CSMD1: variants seen among roughly 807,000 people sequenced by gnomAD.
The protein encoded by CSMD1 is CUB and sushi domain-containing protein 1.
Under a neutral mutation model 417.5 loss-of-function variants are expected in CSMD1, and 213 were observed. The ratio of observed to expected loss-of-function variants is 0.51; its 90% CI spans 0.46 to 0.57. CSMD1 has a LOEUF of 0.57. Ranked by LOEUF, CSMD1 falls within the 20% of genes least tolerant of loss-of-function variation. The probability of loss-of-function intolerance (pLI) is 0.00; values close to 1 mark genes in which losing one functional copy is unlikely to be tolerated. For missense variants in CSMD1, 6,923 were observed against 4,529.7 expected (o/e 1.53, Z -15.17); for synonymous variants, 2,862 against 1,736.8 (o/e 1.65, Z -16.11).
At chr8:4,174,653 T>C (rs557975062) in intron 3 of CSMD1, among the ~76,000 whole-genome samples, 50 of 140,226 alleles carry the variant, frequency 3.6e-4, no homozygotes, top group African/African-American at 1.3e-3. Flanking sequence ...GTAGGAATTA[T>C]AGGAAACAGA....
chr8:3,171,399 C>T (rs560601172), intron 37 of CSMD1, among the ~76,000 whole-genome samples: 2 of 152,310 alleles, frequency 1.3e-5, no homozygotes, highest in East Asian at 1.9e-4. Flanking sequence ...TTACTCACCA[C>T]CCATCTCAAT....
chr8:3,856,104 G>C (rs547731543), intron 5 of CSMD1, among the ~76,000 whole-genome samples: 27 of 152,164 alleles, frequency 1.8e-4, no homozygotes, highest in African/African-American at 6.5e-4. Flanking sequence ...GTATTAAAAT[G>C]TAATTCCCAG....
chr8:4,068,339 G>T (rs774883117), intron 3 of CSMD1, among the ~76,000 whole-genome samples: 7 of 152,098 alleles, frequency 4.6e-5, no homozygotes, highest in African/African-American at 1.7e-4. Context: ...CATGAGAGTG[G>T]GGCTCAAAGC....
chr8:4,168,208 T>C (rs910678621), intron 3 of CSMD1, among the ~76,000 whole-genome samples: 8 of 151,316 alleles, frequency 5.3e-5, no homozygotes, highest in South Asian at 4.2e-4. Context: ...TATATATACA[T>C]ATACACACAC....
intron 7 of CSMD1, among the ~76,000 whole-genome samples, chr8:3,618,805 T>TCATAC (rs1563204209): frequency 6.6e-6 from 1 of 152,148 alleles, no homozygotes; most frequent in Non-Finnish European, 1.5e-5. Flanking sequence ...CTCCCTTGTT[T>TCATAC]CATACCATGA....
At chr8:3,995,990 C>T (rs1054208706) in intron 5 of CSMD1, among the ~76,000 whole-genome samples, 8 of 152,188 alleles carry the variant, frequency 5.3e-5, no homozygotes, top group African/African-American at 1.9e-4. Context: ...GTCTCTCTGG[C>T]TATCTGTGCT....
At chr8:4,492,942 T>G (rs755251737) in intron 2 of CSMD1, among the ~76,000 whole-genome samples, 1 of 152,230 alleles carries the variant, frequency 6.6e-6, no homozygotes, top group Non-Finnish European at 1.5e-5. Flanking sequence ...CAGTGAAAAC[T>G]CTTATTAAAA....
chr8:3,120,474 T>C (rs879818355), intron 41 of CSMD1, among the ~76,000 whole-genome samples: 3 of 152,202 alleles, frequency 2.0e-5, no homozygotes, highest in Non-Finnish European at 4.4e-5. Context: ...AAGCATTCCA[T>C]AGAGCCATGA....
chr8:3,081,447 T>C (rs116833208), intron 49 of CSMD1, among the ~76,000 whole-genome samples: 1,554 of 152,338 alleles, frequency 0.01, 26 homozygotes, highest in African/African-American at 0.036. Context: ...AGATATTTGC[T>C]ATTTTTTAAA....
At chr8:4,703,775 T>G (rs532977104) in intron 1 of CSMD1, among the ~76,000 whole-genome samples, 1 of 152,252 alleles carries the variant, frequency 6.6e-6, no homozygotes, top group South Asian at 2.1e-4. Context: ...AGAAAAGCAT[T>G]GGGATACGAA....
chr8:4,153,260 G>C (rs1038168453), intron 3 of CSMD1, among the ~76,000 whole-genome samples: 5 of 152,172 alleles, frequency 3.3e-5, no homozygotes, highest in African/African-American at 9.7e-5. Flanking sequence ...GATACATACG[G>C]CTATAAAGAC....
intron 3 of CSMD1, among the ~76,000 whole-genome samples, chr8:4,061,149 C>CTT: frequency 6.6e-6 from 1 of 152,180 alleles, no homozygotes; most frequent in Non-Finnish European, 1.5e-5. Context: ...TCATCCCCAT[C>CTT]CTTGCCCCTT....
At chr8:3,740,693 G>C (rs1345415205) in intron 6 of CSMD1, among the ~76,000 whole-genome samples, 1 of 152,138 alleles carries the variant, frequency 6.6e-6, no homozygotes, top group Non-Finnish European at 1.5e-5. Flanking sequence ...AGGAGTCGAA[G>C]CAAACAAAAC....
chr8:4,015,621 A>C (rs1480840560), intron 4 of CSMD1, among the ~76,000 whole-genome samples: 2 of 151,228 alleles, frequency 1.3e-5, no homozygotes, highest in Non-Finnish European at 2.9e-5. Flanking sequence ...TCTCCAAGAA[A>C]TACAACAGTC....
At chr8:4,894,105 G>C (rs1269760186) in intron 1 of CSMD1, among the ~76,000 whole-genome samples, 1 of 151,888 alleles carries the variant, frequency 6.6e-6, no homozygotes, top group Non-Finnish European at 1.5e-5. Flanking sequence ...CTTCATATAG[G>C]CCTGCGCACT....
At chr8:4,293,544 C>T (rs536301633) in intron 3 of CSMD1, among the ~76,000 whole-genome samples, 2 of 152,122 alleles carry the variant, frequency 1.3e-5, no homozygotes, top group Admixed American at 6.5e-5. Context: ...ATAGACTTGT[C>T]ACCCCTGTGC....
intron 2 of CSMD1, among the ~76,000 whole-genome samples, chr8:4,567,144 A>T (rs900910119): frequency 3.3e-5 from 5 of 152,208 alleles, no homozygotes; most frequent in African/African-American, 1.2e-4. Context: ...CCCTACTCAG[A>T]GTATTCCATG....
intron 2 of CSMD1, among the ~76,000 whole-genome samples, chr8:4,460,338 G>C (rs911854949): frequency 1.3e-5 from 2 of 152,012 alleles, no homozygotes; most frequent in Non-Finnish European, 2.9e-5. Context: ...CTGAAGAATT[G>C]CATAGAGGGA....
At chr8:3,616,223 C>T (rs1302955662) in intron 8 of CSMD1, among the ~76,000 whole-genome samples, 1 of 152,152 alleles carries the variant, frequency 6.6e-6, no homozygotes, top group East Asian at 1.9e-4. Context: ...ATGGGAGGGA[C>T]CGGTGAGAGG....
Sources: allele counts gnomAD v4.1 joint callset (sites outside exome capture counted in the v4.1 genomes callset), GRCh38; gene constraint gnomAD v4.1.1; transcripts MANE v1.5; gene names NCBI Gene and HGNC (gene_info 2026-07-23, HGNC 2026-07-21).